SMARCA1: variants seen among roughly 807,000 people sequenced by gnomAD.
The protein encoded by SMARCA1 is SNF2 related chromatin remodeling ATPase 1.
In SMARCA1, 17 loss-of-function variants were observed where a neutral mutation model predicts 93.6. That is an observed-to-expected ratio of 0.18 (90% CI 0.12 to 0.27). SMARCA1 has a LOEUF of 0.27. Ranked by LOEUF, SMARCA1 falls within the 10% of genes least tolerant of loss-of-function variation. The probability of loss-of-function intolerance (pLI) is 1.00; values close to 1 mark genes in which losing one functional copy is unlikely to be tolerated. For synonymous variants in SMARCA1, 271 were observed against 271.4 expected, an observed-to-expected ratio of 1.00 and a Z score of 0.01; for missense variants, 630 against 819.0, an observed-to-expected ratio of 0.77 and a Z score of 2.82.
intron 21 of SMARCA1, among the ~76,000 whole-genome samples, chrX:129,466,493 A>G (rs1413302613): frequency 1.8e-5 from 2 of 110,834 alleles, no homozygotes; most frequent in Non-Finnish European, 1.9e-5. Context: ...CATCTCTACT[A>G]AAAATACAAA....
intron 11 of SMARCA1, among the ~76,000 whole-genome samples, chrX:129,497,551 A>T (rs1934384714): frequency 9.0e-6 from 1 of 110,927 alleles, no homozygotes; most frequent in Admixed American, 9.6e-5. Context: ...TCCAGTGCTC[A>T]CCTCAAAGGT....
At chrX:129,454,893 A>AGTTT (rs1305029837) in intron 23 of SMARCA1, among the ~76,000 whole-genome samples, 6 of 111,950 alleles carry the variant, frequency 5.4e-5, no homozygotes, top group African/African-American at 2.0e-4. Context: ...TGCAAATCAA[A>AGTTT]ACCACAATGA....
At chrX:129,475,777 A>G (rs755020179) in intron 19 of SMARCA1, among the ~76,000 whole-genome samples, 119 of 112,432 alleles carry the variant, frequency 1.1e-3, no homozygotes, top group African/African-American at 3.5e-3. Flanking sequence ...GGAGGAGTTT[A>G]GCAAGCATTG....
At chrX:129,462,133 A>G (rs1483143622) in intron 23 of SMARCA1, among the ~76,000 whole-genome samples, 1 of 112,042 alleles carries the variant, frequency 8.9e-6, no homozygotes, top group South Asian at 3.7e-4. Flanking sequence ...CACACTATTC[A>G]TGTCTCTGAG....
Position 129,492,109 on chromosome X carries a change from A to G in SMARCA1, c.1663-16T>C, listed in dbSNP as rs140941559. 2.1e-3 allele frequency: 2,128 copies of G among 1,033,404 alleles called. 32 individuals are homozygous for G. The African/African-American group carries it at 0.035, about 17-fold the overall frequency. 85.2% of individuals were successfully genotyped at this position (1,033,404 alleles called of 1,213,427 possible). ...CTATTGCTTCCTTTATTTTTTATTG[A>G]TAAAGGGATAGAAGAAAAAGAGAAA... On this transcript the variant is annotated splice_polypyrimidine_tract_variant and intron_variant, in intron 13 of 24. Transcript: ENST00000371121.
chrX:129,505,040 T>G (rs1934759197), intron 8 of SMARCA1, among the ~76,000 whole-genome samples: 1 of 111,738 alleles, frequency 8.9e-6, no homozygotes, highest in African/African-American at 3.3e-5. Flanking sequence ...TAAAAGACAT[T>G]TATTAGGCTT....
intron 18 of SMARCA1, 24 bp from the exon 19 acceptor site, chrX:129,480,838 T>C: frequency 1.1e-6 from 1 of 933,593 alleles, no homozygotes; most frequent in Non-Finnish European, 1.5e-6. Context: ...AAATGTATTA[T>C]ATATACTTCT....
intron 21 of SMARCA1, among the ~76,000 whole-genome samples, chrX:129,466,780 G>A (rs1260376572): frequency 1.8e-5 from 2 of 108,281 alleles, no homozygotes; most frequent in East Asian, 2.9e-4. Flanking sequence ...ATCATCTTAC[G>A]GTATTTCCAA....
chrX:129,496,896 T>C (rs761188129), intron 11 of SMARCA1, 25 bp from the exon 12 acceptor site: 4 of 1,181,413 alleles, frequency 3.4e-6, no homozygotes, highest in Non-Finnish European at 4.6e-6. Context: ...CAAGAAAAAG[T>C]GAGTTGTACA....
Position 129,511,958 on chromosome X carries a change from A to C in SMARCA1, c.656T>G (p.Ile219Ser), listed in dbSNP as rs750118125. ...EMGLGKTLQT[I>S]ALLGYLKHYR... ...GTGTTTCAGGTAACCAAGCAAAGCA[A>C]TTGTTTGTAAAGTTTTCCCAAGGCC... is the stretch of plus-strand genomic sequence containing the variant. Residue 219 changes from isoleucine (I) to serine (S), a missense_variant, in exon 6 of 25, where the codon ATT becomes AGT. By Grantham distance (142) the Ile-to-Ser change is moderately radical. Around this residue, in one of 4 missense-constraint regions of SMARCA1, gnomAD observed 382 missense variants for 537.9 expected, o/e 0.71. Coordinates refer to ENST00000371121, the MANE Select transcript of SMARCA1 (RefSeq NM_001282874.2). 7 of 1,202,817 alleles carry C rather than the reference A, an allele frequency of 5.8e-6. No individual in the cohort carries two copies. The highest frequency in any genetic ancestry group is 7.8e-6 in the Non-Finnish European group (7 of 892,168).
rs755208434 is a variant in SMARCA1, at chrX:129,458,292, C to T, written c.3030+7228G>A. Reference sequence around the variant, plus strand: ...TAAAAAATATAAAAGTCATTCTTTGCTTTCAGGCCACACAAAAACAGGTGG... The same window carrying T: ...TAAAAAATATAAAAGTCATTCTTTGTTTTCAGGCCACACAAAAACAGGTGG... On this transcript the variant is annotated intron_variant, in intron 23 of 24. Transcript: ENST00000371121. Among the ~76,000 whole-genome samples the T allele has an allele frequency of 3.6e-5, 4 of 112,252 alleles. No individual in the cohort carries two copies. The East Asian group carries it at 1.1e-3, about 31-fold the overall frequency.
intron 1 of SMARCA1, among the ~76,000 whole-genome samples, chrX:129,520,149 G>GTGTT (rs1277483112): frequency 9.3e-6 from 1 of 108,093 alleles, no homozygotes; most frequent in Non-Finnish European, 1.9e-5. Flanking sequence ...GTGTGTGTGT[G>GTGTT]TGTGTGTGTG....
chrX:129,453,272 T>A (rs1159704497), intron 23 of SMARCA1, among the ~76,000 whole-genome samples: 1 of 111,551 alleles, frequency 9.0e-6, no homozygotes, highest in East Asian at 2.8e-4. Context: ...GGCCAAAAGC[T>A]AGGCCTCTTG....
At chrX:129,493,437 T>C (rs922792556) in intron 12 of SMARCA1, among the ~76,000 whole-genome samples, 5 of 111,454 alleles carry the variant, frequency 4.5e-5, no homozygotes, top group African/African-American at 1.6e-4. Context: ...ACTTGCATAA[T>C]CACAAAGTAT....
At position 129,471,342 on chromosome X, in the gene SMARCA1, T is replaced by C; in HGVS notation, c.2443-16A>G. ...TCCTTGGAACCTATAAATCAAGAGATAAACTAAGAGTAAACTGATGAGAAA... is the reference window on the plus strand; with the variant it reads ...TCCTTGGAACCTATAAATCAAGAGACAAACTAAGAGTAAACTGATGAGAAA... On this transcript the variant is annotated splice_polypyrimidine_tract_variant and intron_variant, in intron 19 of 24. Coordinates refer to ENST00000371121, the MANE Select transcript of SMARCA1 (RefSeq NM_001282874.2). 1 of 1,156,151 alleles carries C rather than the reference T, an allele frequency of 8.6e-7. No individual in the cohort carries two copies. Among genetic ancestry groups the C allele is most frequent in the Non-Finnish European group, 1.2e-6 (1 of 854,292 alleles).
Position 129,448,435 on chromosome X carries a change from C to G in SMARCA1, c.3039G>C (p.Gln1013His). The G allele has an allele frequency of 8.4e-7, 1 of 1,188,244 alleles. No homozygotes were observed. Among genetic ancestry groups the G allele is most frequent in the Non-Finnish European group, 1.1e-6 (1 of 880,243 alleles). ...ATGAAATCAGAGTGTTACAGCGTCT[C>G]TGGAATTCCTAAATGAAGTAATAAA... is the stretch of plus-strand genomic sequence containing the variant. ...FIKSRTAMEF[Q>H]RRCNTLISLI... The change falls in exon 24 of 25, where the codon CAG (glutamine) becomes CAC (histidine). Residue 1013 changes from glutamine to histidine, a missense_variant. Around this residue, in one of 4 missense-constraint regions of SMARCA1, gnomAD observed 93 missense variants for 160.8 expected, o/e 0.58. Coordinates refer to ENST00000371121, the MANE Select transcript of SMARCA1 (RefSeq NM_001282874.2).
chrX:129,492,074 T>A lies in SMARCA1; in HGVS notation c.1682A>T (p.Asn561Ile). The stretch of plus-strand genomic sequence containing the variant: ...GATGAATTTGCTACTATTAGGAGCA[T>A]TAAAAGCCTCTATTGCTTCCTTTAT... Reference protein sequence around the residue: ...LGQREAIEAFNAPNSSKFIFM... With the variant: ...LGQREAIEAFIAPNSSKFIFM... The change falls in exon 14 of 25, where the codon AAT (asparagine) becomes ATT (isoleucine). Residue 561 changes from asparagine to isoleucine, a missense_variant. Around this residue, in one of 4 missense-constraint regions of SMARCA1, gnomAD observed 382 missense variants for 537.9 expected, o/e 0.71. Transcript: ENST00000371121. 1 of 1,163,578 alleles carries A rather than the reference T, an allele frequency of 8.6e-7. No individual in the cohort carries two copies. Among genetic ancestry groups the A allele is most frequent in the East Asian group, 3.0e-5 (1 of 33,662 alleles).
chrX:129,522,273 A>T (rs1366757230), intron 1 of SMARCA1, among the ~76,000 whole-genome samples: 1 of 109,703 alleles, frequency 9.1e-6, no homozygotes, highest in Non-Finnish European at 1.9e-5. Context: ...CTTACGTTAG[A>T]AGCAGCTCAT....
intron 9 of SMARCA1, among the ~76,000 whole-genome samples, chrX:129,500,963 T>C (rs1417595106): frequency 8.9e-6 from 1 of 112,552 alleles, no homozygotes. Flanking sequence ...AGTCAGTGTA[T>C]ACCTGGAAGA....
Sources: allele counts gnomAD v4.1 joint callset (sites outside exome capture counted in the v4.1 genomes callset), GRCh38; gene constraint gnomAD v4.1.1; regional missense constraint gnomAD v4.1.1; transcripts MANE v1.5; gene names NCBI Gene and HGNC (gene_info 2026-07-23, HGNC 2026-07-21).